The following PTPRM variants were observed in gnomAD, a reference collection of about 807,000 sequenced individuals.
PTPRM encodes the protein receptor-type tyrosine-protein phosphatase mu.
In PTPRM, 47 loss-of-function variants were observed where a neutral mutation model predicts 186.7. That is an observed-to-expected ratio of 0.25 (90% CI 0.20 to 0.32). The LOEUF is 0.32. Among genes scored for constraint, PTPRM ranks in the 10% least tolerant of loss-of-function variants. The pLI, the probability that PTPRM is intolerant of heterozygous loss-of-function variation, is 1.00. For missense variants in PTPRM, 1,494 were observed against 1,865.0 expected (o/e 0.80, Z 3.66); for synonymous variants, 668 against 674.9 (o/e 0.99, Z 0.16).
chr18:7,632,856 C>T lies in PTPRM; in HGVS notation c.73+64965C>T, dbSNP rs1436811317. Among the ~76,000 whole-genome samples the T allele has an allele frequency of 2.0e-5, 3 of 152,310 alleles. No homozygotes were observed. The South Asian group carries it at 6.2e-4, about 32-fold the overall frequency. On this transcript the variant is annotated intron_variant, in intron 1 of 32. Coordinates refer to ENST00000580170, the MANE Select transcript of PTPRM (RefSeq NM_001105244.2). ...AGGGATGAAAATGTCTAAAAAAATT[C>T]AGCAATTGCCTCAGTGCCCTAAATA...
intron 2 of PTPRM, among the ~76,000 whole-genome samples, chr18:7,867,126 A>C (rs1179973385): frequency 3.9e-5 from 6 of 152,186 alleles, no homozygotes; most frequent in Non-Finnish European, 8.8e-5. Context: ...AATACAGCAC[A>C]CTGATGGGTC....
chr18:7,870,627 TC>T (rs1479962159), intron 2 of PTPRM, among the ~76,000 whole-genome samples: 2 of 152,196 alleles, frequency 1.3e-5, no homozygotes, highest in African/African-American at 4.8e-5. Context: ...CCTCCTCTCT[TC>T]ATTACACTGC....
intron 20 of PTPRM, among the ~76,000 whole-genome samples, chr18:8,301,343 A>T (rs890109189): frequency 6.6e-6 from 1 of 152,032 alleles, no homozygotes; most frequent in Non-Finnish European, 1.5e-5. Flanking sequence ...CACCCTACCC[A>T]CCATTACCGC....
chr18:8,366,267 C>T (rs2095628718), intron 23 of PTPRM, among the ~76,000 whole-genome samples: 1 of 152,234 alleles, frequency 6.6e-6, no homozygotes, highest in Non-Finnish European at 1.5e-5. Flanking sequence ...AGCACTCCAG[C>T]CTGGCAAGAC....
intron 1 of PTPRM, among the ~76,000 whole-genome samples, chr18:7,747,881 C>A (rs1434902862): frequency 6.6e-6 from 1 of 152,122 alleles, no homozygotes; most frequent in Non-Finnish European, 1.5e-5. Flanking sequence ...TAACATTTGG[C>A]ATTTCAAGGG....
chr18:7,715,192 G>C (rs980381874), intron 1 of PTPRM, among the ~76,000 whole-genome samples: 3 of 152,148 alleles, frequency 2.0e-5, no homozygotes, highest in Admixed American at 1.3e-4. Flanking sequence ...GGGTTGCAAG[G>C]CTGGTTCAAC....
At chr18:7,712,273 T>C (rs1382097359) in intron 1 of PTPRM, among the ~76,000 whole-genome samples, 3 of 152,092 alleles carry the variant, frequency 2.0e-5, no homozygotes, top group Non-Finnish European at 2.9e-5. Context: ...AGGGGCCTGA[T>C]TGTTAGAAAG....
intron 20 of PTPRM, among the ~76,000 whole-genome samples, chr18:8,299,007 T>TG (rs2095126620): frequency 1.3e-5 from 2 of 152,182 alleles, no homozygotes; most frequent in Non-Finnish European, 2.9e-5. Flanking sequence ...TCCCAGCTAC[T>TG]CAGGAGGCGG....
At chr18:8,234,536 C>CG (rs1568570613) in intron 14 of PTPRM, among the ~76,000 whole-genome samples, 1 of 152,056 alleles carries the variant, frequency 6.6e-6, no homozygotes, top group Non-Finnish European at 1.5e-5. Flanking sequence ...GAACAAAGAG[C>CG]GTTTCATTCA....
intron 14 of PTPRM, among the ~76,000 whole-genome samples, chr18:8,193,750 G>A (rs1025677572): frequency 3.3e-5 from 5 of 152,210 alleles, no homozygotes; most frequent in African/African-American, 1.2e-4. Flanking sequence ...TGGGCCACAG[G>A]CCAAGGCTTA....
chr18:8,247,769 G>A, intron 15 of PTPRM, 76 bp from the exon 16 acceptor site: 2 of 1,050,668 alleles, frequency 1.9e-6, no homozygotes, highest in Non-Finnish European at 3.0e-6. Flanking sequence ...AGTCACCATG[G>A]GTGGTCTCAG....
At chr18:7,828,821 A>G (rs1030480301) in intron 2 of PTPRM, among the ~76,000 whole-genome samples, 75 of 152,340 alleles carry the variant, frequency 4.9e-4, no homozygotes, top group African/African-American at 1.7e-3. Flanking sequence ...GCATATATTT[A>G]GTGTTCTTGT....
chr18:7,839,684 T>A (rs1162089177), intron 2 of PTPRM, among the ~76,000 whole-genome samples: 1 of 152,166 alleles, frequency 6.6e-6, no homozygotes, highest in Non-Finnish European at 1.5e-5. Flanking sequence ...AATACTTCTT[T>A]AGCTGCCCTT....
chr18:8,021,966 C>A (rs1448996499), intron 7 of PTPRM, among the ~76,000 whole-genome samples: 1 of 152,006 alleles, frequency 6.6e-6, no homozygotes, highest in Non-Finnish European at 1.5e-5. Flanking sequence ...GTTTTATGAG[C>A]ACATACATTT....
intron 11 of PTPRM, among the ~76,000 whole-genome samples, chr18:8,094,487 C>T (rs2090917639): frequency 6.6e-6 from 1 of 152,094 alleles, no homozygotes; most frequent in Admixed American, 6.6e-5. Context: ...AATCCCAGCA[C>T]TTTGGGAGGC....
intron 30 of PTPRM, among the ~76,000 whole-genome samples, chr18:8,385,803 A>T (rs748490041): frequency 6.6e-6 from 1 of 152,234 alleles, no homozygotes; most frequent in Non-Finnish European, 1.5e-5. Flanking sequence ...GCACTCTGGC[A>T]CCTGTGTTGA....
chr18:8,088,621 G>T, intron 10 of PTPRM, 128 bp from the exon 11 acceptor site: 2 of 723,498 alleles, frequency 2.8e-6, no homozygotes, highest in South Asian at 3.4e-5. Flanking sequence ...CTTGCTCGTG[G>T]TTGTTGATAG....
chr18:8,209,238 A>C (rs1601232197), intron 14 of PTPRM, among the ~76,000 whole-genome samples: 1 of 152,116 alleles, frequency 6.6e-6, no homozygotes, highest in African/African-American at 2.4e-5. Flanking sequence ...ATGGCAAGGG[A>C]GGAGGCAAGG....
At chr18:7,820,439 C>G (rs867164006) in intron 2 of PTPRM, among the ~76,000 whole-genome samples, 2 of 152,192 alleles carry the variant, frequency 1.3e-5, no homozygotes, top group African/African-American at 4.8e-5. Flanking sequence ...AGACAATAAC[C>G]CCCAAATCCA....
Sources: gnomAD v4.1 joint callset for allele counts (sites outside exome capture counted in the v4.1 genomes callset) on GRCh38, gnomAD v4.1.1 for gene constraint, MANE v1.5 for transcripts, NCBI Gene and HGNC (gene_info 2026-07-23, HGNC 2026-07-21) for gene names.